The following FTO variants were observed in gnomAD, a reference collection of about 807,000 sequenced individuals.
The protein encoded by FTO is FTO alpha-ketoglutarate dependent dioxygenase.
FTO carries 47 observed loss-of-function variants against 63.9 expected under a neutral mutation model. The observed-to-expected ratio is 0.74, with a 90% CI of 0.58 to 0.94. The LOEUF is 0.94. FTO is among the 40% of genes least tolerant of loss of function. The pLI, the probability that FTO is intolerant of heterozygous loss-of-function variation, is 0.00. For synonymous variants in FTO, 207 were observed against 224.4 expected (o/e 0.92, Z 0.69); for missense variants, 562 against 618.1 (o/e 0.91, Z 0.96).
chr16:53,760,053 T>G (rs1350511013), intron 1 of FTO, among the ~76,000 whole-genome samples: 1 of 152,164 alleles, frequency 6.6e-6, no homozygotes, highest in Non-Finnish European at 1.5e-5. Flanking sequence ...AGTCTTCCTG[T>G]TTTCAGCTTC....
intron 1 of FTO, among the ~76,000 whole-genome samples, chr16:53,747,210 G>T (rs545605621): frequency 6.6e-6 from 1 of 152,190 alleles, no homozygotes; most frequent in South Asian, 2.1e-4. Flanking sequence ...AAGTATCCTG[G>T]GTAAATATCC....
chr16:53,918,310 G>GCTATA (rs2081930871), intron 7 of FTO, among the ~76,000 whole-genome samples: 2 of 152,154 alleles, frequency 1.3e-5, no homozygotes, highest in Admixed American at 6.5e-5. Context: ...GGTGTAGTCT[G>GCTATA]TTGCCCCCAG....
At chr16:53,851,285 TAAAAAAAAAAA>T (rs571720201) in intron 4 of FTO, among the ~76,000 whole-genome samples, 1 of 103,302 alleles carries the variant, frequency 9.7e-6, no homozygotes, top group Non-Finnish European at 2.1e-5. Flanking sequence ...CCACCTCTAC[TAAAAAAAAAAA>T]AAAAAAAAAA....
chr16:53,996,821 A>C (rs1479998441), intron 8 of FTO, among the ~76,000 whole-genome samples: 1 of 152,002 alleles, frequency 6.6e-6, no homozygotes, highest in Non-Finnish European at 1.5e-5. Flanking sequence ...AAACCATTGG[A>C]TCTCAGGCCG....
At chr16:53,871,854 G>C (rs1047853250) in intron 4 of FTO, among the ~76,000 whole-genome samples, 17 of 152,014 alleles carry the variant, frequency 1.1e-4, no homozygotes, top group African/African-American at 4.1e-4. Flanking sequence ...AGCCTCCTGA[G>C]TAGCTGGGAT....
intron 1 of FTO, among the ~76,000 whole-genome samples, chr16:53,732,740 G>T (rs75237796): frequency 6.6e-6 from 1 of 152,176 alleles, no homozygotes; most frequent in African/African-American, 2.4e-5. Context: ...CATAAAGGAG[G>T]GGGGTGGTGG....
At chr16:54,069,213 C>T (rs2144438913) in intron 8 of FTO, among the ~76,000 whole-genome samples, 1 of 152,098 alleles carries the variant, frequency 6.6e-6, no homozygotes, top group Middle Eastern at 3.4e-3. Context: ...GGATTTGGCA[C>T]ACTCGGCCAG....
At chr16:53,763,618 T>C (rs2077123463) in intron 1 of FTO, among the ~76,000 whole-genome samples, 1 of 152,192 alleles carries the variant, frequency 6.6e-6, no homozygotes, top group Non-Finnish European at 1.5e-5. Flanking sequence ...GACCCTATGA[T>C]TATAGTGACC....
chr16:53,897,323 G>T (rs993804062), intron 7 of FTO, among the ~76,000 whole-genome samples: 1 of 151,678 alleles, frequency 6.6e-6, no homozygotes, highest in African/African-American at 2.4e-5. Context: ...TTTTAATACC[G>T]CTCAATAAAT....
chr16:54,013,679 G>A (rs1219975532), intron 8 of FTO, among the ~76,000 whole-genome samples: 3 of 152,148 alleles, frequency 2.0e-5, no homozygotes, highest in Non-Finnish European at 4.4e-5. Flanking sequence ...CACTGTTAAG[G>A]CAAAACAATT....
intron 5 of FTO, among the ~76,000 whole-genome samples, chr16:53,876,302 T>C (rs1025547720): frequency 6.6e-6 from 1 of 152,190 alleles, no homozygotes; most frequent in Admixed American, 6.5e-5. Context: ...ACTATATATA[T>C]GGTTCTGTAG....
At chr16:53,946,987 C>T (rs1019589005) in intron 8 of FTO, among the ~76,000 whole-genome samples, 3 of 152,256 alleles carry the variant, frequency 2.0e-5, no homozygotes, top group Non-Finnish European at 4.4e-5. Context: ...AAGACTGTTA[C>T]AGTTAATTTT....
At chr16:53,908,266 C>T (rs757847337) in intron 7 of FTO, among the ~76,000 whole-genome samples, 6 of 152,154 alleles carry the variant, frequency 3.9e-5, no homozygotes, top group Non-Finnish European at 8.8e-5. Context: ...CTAAAATGTC[C>T]AACCATTGCA....
intron 1 of FTO, among the ~76,000 whole-genome samples, chr16:53,784,455 G>A (rs1428245944): frequency 6.6e-6 from 1 of 152,142 alleles, no homozygotes; most frequent in Non-Finnish European, 1.5e-5. Context: ...CAAAAGAGAT[G>A]GATTTGTGGT....
At chr16:53,990,544 T>C (rs2083783813) in intron 8 of FTO, among the ~76,000 whole-genome samples, 2 of 152,310 alleles carry the variant, frequency 1.3e-5, no homozygotes, top group East Asian at 1.9e-4. Flanking sequence ...AGGCTGGATG[T>C]AGCAGAGGCA....
chr16:53,847,692 C>T lies in FTO; in HGVS notation c.895+3394C>T, dbSNP rs574777331. On this transcript the variant is annotated intron_variant, in intron 4 of 8. Coordinates refer to ENST00000471389, the MANE Select transcript of FTO (RefSeq NM_001080432.3). ...CTGAGGCAGGAGAACTACTTGAACC[C>T]GGGAGGCAGAGGTTGCAATGAGCCG... Among the ~76,000 whole-genome samples the T allele has an allele frequency of 1.2e-4, 18 of 150,876 alleles. No individual in the cohort carries two copies. The South Asian group carries it at 2.3e-3, about 19-fold the overall frequency.
rs2086987227 is a variant in FTO, at chr16:54,118,559, C to T, written c.*6644C>T. The T allele has an allele frequency of 6.6e-6, 1 of 152,102 alleles. No homozygotes were observed. The highest frequency in any genetic ancestry group is 2.4e-5 in the African/African-American group (1 of 41,420). 9.4% of individuals were successfully genotyped at this position (152,102 alleles called of 1,614,324 possible). ...GTAGAGACAGGATTTCACCACATTA[C>T]ACAGGCTGGTTTCAAACTCCGAGGC... is the stretch of plus-strand genomic sequence containing the variant. On this transcript the variant is annotated 3_prime_UTR_variant, in exon 9 of 9. Coordinates refer to ENST00000471389, the MANE Select transcript of FTO (RefSeq NM_001080432.3).
chr16:53,714,223 G>A (rs891203359), intron 1 of FTO, among the ~76,000 whole-genome samples: 9 of 152,276 alleles, frequency 5.9e-5, no homozygotes, highest in African/African-American at 1.7e-4. Context: ...AAAATTCAGA[G>A]CTCTGATTTC....
At chr16:53,897,145 A>G (rs995432695) in intron 7 of FTO, among the ~76,000 whole-genome samples, 19 of 152,084 alleles carry the variant, frequency 1.2e-4, no homozygotes, top group African/African-American at 4.6e-4. Context: ...TTTGTAGATG[A>G]TATTTTTAAT....
Sources: gnomAD v4.1 joint callset for allele counts (sites outside exome capture counted in the v4.1 genomes callset) on GRCh38, gnomAD v4.1.1 for gene constraint, MANE v1.5 for transcripts, NCBI Gene and HGNC (gene_info 2026-07-23, HGNC 2026-07-21) for gene names.